The following ZFYVE28 variants were observed in gnomAD, a reference collection of about 807,000 sequenced individuals.
ZFYVE28 encodes the protein zinc finger FYVE-type containing 28, also known as lateral signaling target protein 2 homolog.
Under a neutral mutation model 82.1 loss-of-function variants are expected in ZFYVE28, and 40 were observed. The ratio of observed to expected loss-of-function variants is 0.49; its 90% CI spans 0.38 to 0.63. The LOEUF (loss-of-function observed/expected upper bound fraction) is 0.63, where lower values mean the gene tolerates loss of function less well. ZFYVE28 is among the 30% of genes least tolerant of loss of function. The pLI is 0.00. For missense variants in ZFYVE28, 1,321 were observed against 1,242.1 expected (o/e 1.06, Z -0.96); for synonymous variants, 612 against 546.1 (o/e 1.12, Z -1.68).
At chr4:2,365,028 G>C (rs1002342570) in intron 1 of ZFYVE28, among the ~76,000 whole-genome samples, 1 of 152,110 alleles carries the variant, frequency 6.6e-6, no homozygotes, top group Non-Finnish European at 1.5e-5. Flanking sequence ...GCGGAAGTGG[G>C]GGAGGGAGGT....
Position 2,329,094 on chromosome 4 carries a change from T to A in ZFYVE28, c.701+6611A>T, listed in dbSNP as rs1720298559. 4 of 699,560 alleles carry A rather than the reference T, an allele frequency of 5.7e-6. No individual in the cohort carries two copies. In the African/African-American group the frequency reaches 7.0e-5, roughly 12 times the overall value. The allele number at this position is 699,560 out of a possible 1,614,324, so 43.3% of individuals were successfully genotyped here. ...TGTTTTTCAATATTGTTTTGGCTATTTAGGGCCCATTGCAGTTCCACATGA... is the reference window on the plus strand; with the variant it reads ...TGTTTTTCAATATTGTTTTGGCTATATAGGGCCCATTGCAGTTCCACATGA... On this transcript the variant is annotated intron_variant, in intron 6 of 12. Coordinates refer to ENST00000290974, the MANE Select transcript of ZFYVE28 (RefSeq NM_020972.3).
rs767641761 is a variant in ZFYVE28, at chr4:2,339,014, G to A, written c.521+439C>T. Among the ~76,000 whole-genome samples, 12 of 152,044 alleles carry A rather than the reference G, an allele frequency of 7.9e-5. No individual in the cohort carries two copies. The highest frequency in any genetic ancestry group is 1.4e-4 in the African/African-American group (6 of 41,390). The stretch of plus-strand genomic sequence containing the variant: ...TTTTTAGTAGAGATGGGGTGTCACC[G>A]TGTTAGCCAGGATGGTCTCGATCTT... On this transcript the variant is annotated intron_variant, in intron 4 of 12. Coordinates refer to ENST00000290974, the MANE Select transcript of ZFYVE28 (RefSeq NM_020972.3). This position sits in a 1 kb window ranked among gnomAD's most constrained non-coding sequence, Gnocchi z 5.0.
At chr4:2,373,023 C>G (rs1727738281) in intron 1 of ZFYVE28, among the ~76,000 whole-genome samples, 1 of 152,160 alleles carries the variant, frequency 6.6e-6, no homozygotes, top group South Asian at 2.1e-4. Flanking sequence ...CCTCTACCCC[C>G]ACAGCCACCC....
At chr4:2,336,550 T>C (rs980851260) in intron 5 of ZFYVE28, among the ~76,000 whole-genome samples, 1 of 134,592 alleles carries the variant, frequency 7.4e-6, no homozygotes, top group Non-Finnish European at 1.7e-5. Context: ...AGAATATTGA[T>C]GGCTTCCCCC....
At chr4:2,285,860 G>A (rs1418261520) in intron 8 of ZFYVE28, 1 of 152,164 alleles carries the variant, frequency 6.6e-6, no homozygotes, top group Non-Finnish European at 1.5e-5. Context: ...GCTGGCCGGG[G>A]TCTGTGGTCC....
At chr4:2,284,064 G>C (rs1295090612) in intron 8 of ZFYVE28, among the ~76,000 whole-genome samples, 1 of 152,350 alleles carries the variant, frequency 6.6e-6, no homozygotes, top group Non-Finnish European at 1.5e-5. Flanking sequence ...AAGAGTTTGA[G>C]GAACAGAGCA....
intron 6 of ZFYVE28, chr4:2,330,489 G>T: frequency 3.7e-6 from 4 of 1,094,850 alleles, no homozygotes; most frequent in South Asian, 2.4e-5. Context: ...GCATGGAGGA[G>T]GGGACAGTGC....
In ZFYVE28 at chr4:2,273,252, G is replaced by A. The variant is rs1393118720; in HGVS notation, c.2244C>T (p.Asp748=). 3 of 1,613,440 alleles carry A rather than the reference G, an allele frequency of 1.9e-6. No homozygotes were observed. In the Admixed American group the frequency reaches 5.0e-5, roughly 27 times the overall value. The stretch of plus-strand genomic sequence containing the variant: ...ACAGTGTTTTAAGAATACTTCTCAG[G>A]TCACTGGCATAGTTCGTCTGCAGCT... ...ADQLQTNYAS[D]LRSILKTLFE... is the part of the protein sequence containing the mutation. Residue 748 remains aspartate, a synonymous_variant, in exon 10 of 13, where the codon GAC becomes GAT. Transcript: ENST00000290974.
intron 1 of ZFYVE28, among the ~76,000 whole-genome samples, chr4:2,376,930 A>T (rs991028355): frequency 3.3e-5 from 5 of 152,278 alleles, no homozygotes; most frequent in East Asian, 1.9e-4. Flanking sequence ...TGTCTCAAAA[A>T]AAATAAATAA....
At chr4:2,407,661 G>A (rs1470069407) in intron 1 of ZFYVE28, among the ~76,000 whole-genome samples, 1 of 152,124 alleles carries the variant, frequency 6.6e-6, no homozygotes, top group African/African-American at 2.4e-5. Flanking sequence ...CACGATCTCG[G>A]CTCACTGCAA....
rs1733099805 is a variant in ZFYVE28 at position 2,416,828 on chromosome 4, C to G, written c.39+1457G>C. The stretch of plus-strand genomic sequence containing the variant: ...CCCCCGAGTCCCCTCCCAATCAAGC[C>G]AAGGCCGAGCAAGGGGCGCCCCATG... On this transcript the variant is annotated intron_variant, in intron 1 of 12. Coordinates refer to ENST00000290974, the MANE Select transcript of ZFYVE28 (RefSeq NM_020972.3). The surrounding 1 kb of genome is among the most constrained non-coding windows in gnomAD (Gnocchi z 4.6). Among the ~76,000 whole-genome samples the G allele has an allele frequency of 6.7e-6, 1 of 149,008 alleles. No individual in the cohort carries two copies. The highest frequency in any genetic ancestry group is 2.5e-5 in the African/African-American group (1 of 39,436).
At chr4:2,414,025 A>G (rs753269532) in intron 1 of ZFYVE28, among the ~76,000 whole-genome samples, 1 of 152,230 alleles carries the variant, frequency 6.6e-6, no homozygotes, top group Non-Finnish European at 1.5e-5. Context: ...CCAAACAGAT[A>G]TATCCAGACC....
chr4:2,284,783 G>A (rs972163328), intron 8 of ZFYVE28, among the ~76,000 whole-genome samples: 1 of 152,146 alleles, frequency 6.6e-6, no homozygotes, highest in Non-Finnish European at 1.5e-5. Flanking sequence ...TCCAGGAATC[G>A]GCTCTGGAAC....
At chr4:2,389,741 A>G (rs1235746101) in intron 1 of ZFYVE28, among the ~76,000 whole-genome samples, 1 of 152,164 alleles carries the variant, frequency 6.6e-6, no homozygotes, top group Non-Finnish European at 1.5e-5. Flanking sequence ...GAGGGTGACA[A>G]AGCAGCCCCA....
At chr4:2,399,088 G>GCA (rs1426422394) in intron 1 of ZFYVE28, among the ~76,000 whole-genome samples, 13,378 of 66,628 alleles carry the variant, frequency 0.2, 1,696 homozygotes, top group African/African-American at 0.35. Context: ...GCGTGAAGGT[G>GCA]AGATCCAGGG....
At chr4:2,377,037 T>C (rs1325458268) in intron 1 of ZFYVE28, among the ~76,000 whole-genome samples, 1 of 152,068 alleles carries the variant, frequency 6.6e-6, no homozygotes. Flanking sequence ...TTTTTTTTTT[T>C]CTGAGACGGA....
intron 7 of ZFYVE28, among the ~76,000 whole-genome samples, chr4:2,317,890 C>A (rs911986615): frequency 1.3e-5 from 2 of 152,164 alleles, no homozygotes; most frequent in African/African-American, 2.4e-5. Context: ...GCCTGGGCCT[C>A]CCAAGGTGCC....
chr4:2,279,593 C>T (rs888770987), intron 8 of ZFYVE28, among the ~76,000 whole-genome samples: 2 of 152,096 alleles, frequency 1.3e-5, no homozygotes, highest in Non-Finnish European at 2.9e-5. Flanking sequence ...TCCTGGCTAA[C>T]ACGATGAAAC....
At chr4:2,311,394 C>T (rs370976770) in intron 7 of ZFYVE28, among the ~76,000 whole-genome samples, 6 of 152,194 alleles carry the variant, frequency 3.9e-5, no homozygotes, top group South Asian at 4.1e-4. Flanking sequence ...GGTGTGGTGG[C>T]AGGCATCTGT....
Sources: allele counts gnomAD v4.1 joint callset (sites outside exome capture counted in the v4.1 genomes callset), GRCh38; gene constraint gnomAD v4.1.1; non-coding constraint Gnocchi (gnomAD v3.1); transcripts MANE v1.5; gene names NCBI Gene and HGNC (gene_info 2026-07-23, HGNC 2026-07-21).